Variants in WWOX observed in about 807,000 individuals in gnomAD.
WWOX encodes the protein WW domain-containing oxidoreductase.
In WWOX, 69 loss-of-function variants were observed where a neutral mutation model predicts 46.2. The ratio of observed to expected loss-of-function variants is 1.49; its 90% CI spans 1.23 to 1.82. The LOEUF is 1.82. WWOX is among the 40% of genes most tolerant of loss of function. The pLI, the probability that WWOX is intolerant of heterozygous loss-of-function variation, is 0.00. For synonymous variants in WWOX, 359 were observed against 202.6 expected, an observed-to-expected ratio of 1.77 and a Z score of -6.56; for missense variants, 919 against 542.6, an observed-to-expected ratio of 1.69 and a Z score of -6.89.
At chr16:78,224,123 C>T (rs1461756257) in intron 5 of WWOX, among the ~76,000 whole-genome samples, 1 of 152,084 alleles carries the variant, frequency 6.6e-6, no homozygotes, top group African/African-American at 2.4e-5. Flanking sequence ...CCTGCCTCAG[C>T]CTCCCAAGTA....
intron 8 of WWOX, among the ~76,000 whole-genome samples, chr16:78,713,936 C>G (rs1451357793): frequency 6.6e-6 from 1 of 152,102 alleles, no homozygotes; most frequent in East Asian, 1.9e-4. Flanking sequence ...AACAGGAAAC[C>G]TGTCTGTAGT....
In WWOX at chr16:78,812,713, G is replaced by A. The variant is rs8062973; in HGVS notation, c.1056+379961G>A. 2.8e-3 allele frequency among the ~76,000 whole-genome samples: 422 copies of A among 151,476 alleles called. 2 individuals carry two copies. The highest frequency in any genetic ancestry group is 9.6e-3 in the African/African-American group (395 of 40,958). ...TGCACTGCAGCCTGGGTGACAGAAT[G>A]AGACTCCATCCTCCCACCCCCTAAA... is the stretch of plus-strand genomic sequence containing the variant. On this transcript the variant is annotated intron_variant, in intron 8 of 8. Coordinates refer to ENST00000566780, the MANE Select transcript of WWOX (RefSeq NM_016373.4).
intron 8 of WWOX, among the ~76,000 whole-genome samples, chr16:78,460,918 G>A (rs933180518): frequency 6.6e-6 from 1 of 152,178 alleles, no homozygotes; most frequent in African/African-American, 2.4e-5. Context: ...TGAAGAAATA[G>A]GCCCTCCAGA....
chr16:78,887,446 A>G (rs539262842), intron 8 of WWOX, among the ~76,000 whole-genome samples: 32 of 148,606 alleles, frequency 2.2e-4, no homozygotes, highest in Non-Finnish European at 3.9e-4. Context: ...TGGGAAGGCA[A>G]TGAAGGCAAC....
intron 3 of WWOX, among the ~76,000 whole-genome samples, chr16:78,110,783 G>C (rs527474916): frequency 6.6e-6 from 1 of 152,320 alleles, no homozygotes; most frequent in East Asian, 1.9e-4. Flanking sequence ...CTTACTGCCA[G>C]TGACACAGAC....
intron 8 of WWOX, among the ~76,000 whole-genome samples, chr16:78,755,673 G>A (rs1023461997): frequency 1.3e-5 from 2 of 152,168 alleles, no homozygotes; most frequent in East Asian, 3.8e-4. Context: ...GGAAGCCTCA[G>A]GACCCTGCAC....
intron 8 of WWOX, among the ~76,000 whole-genome samples, chr16:79,047,097 C>G (rs1416770775): frequency 6.6e-6 from 1 of 152,206 alleles, no homozygotes; most frequent in Non-Finnish European, 1.5e-5. Flanking sequence ...ACCAGCATGC[C>G]ACCCTTCCAG....
chr16:78,490,054 A>G (rs540238484), intron 8 of WWOX, among the ~76,000 whole-genome samples: 1 of 152,268 alleles, frequency 6.6e-6, no homozygotes, highest in South Asian at 2.1e-4. Flanking sequence ...CTCTGGGGAG[A>G]CTAATATTAG....
chr16:78,613,845 C>A (rs777682828), intron 8 of WWOX, among the ~76,000 whole-genome samples: 1 of 152,176 alleles, frequency 6.6e-6, no homozygotes, highest in Non-Finnish European at 1.5e-5. Context: ...GAATACACTG[C>A]GTATTCTGTG....
chr16:79,151,972 A>G (rs1164132431), intron 8 of WWOX, among the ~76,000 whole-genome samples: 1 of 152,236 alleles, frequency 6.6e-6, no homozygotes, highest in African/African-American at 2.4e-5. Flanking sequence ...AAAAGGCAAC[A>G]GAAAGGTCTC....
chr16:79,195,093 C>T (rs1303177239), intron 8 of WWOX, among the ~76,000 whole-genome samples: 8 of 152,090 alleles, frequency 5.3e-5, no homozygotes, highest in Non-Finnish European at 8.8e-5. Flanking sequence ...TGAGCATACC[C>T]GTATCTCAGA....
chr16:78,880,097 C>A (rs780784671), intron 8 of WWOX, among the ~76,000 whole-genome samples: 10 of 152,086 alleles, frequency 6.6e-5, no homozygotes, highest in Non-Finnish European at 1.3e-4. Context: ...ACTTGTCAAA[C>A]ACTTACATTT....
intron 8 of WWOX, among the ~76,000 whole-genome samples, chr16:78,823,782 T>G (rs2051571370): frequency 4.0e-5 from 1 of 25,162 alleles, no homozygotes; most frequent in Admixed American, 5.9e-4. Flanking sequence ...AGACTTGTTA[T>G]TTTTTTTTTT....
At chr16:78,836,739 G>A (rs899578524) in intron 8 of WWOX, among the ~76,000 whole-genome samples, 5 of 152,170 alleles carry the variant, frequency 3.3e-5, no homozygotes, top group Non-Finnish European at 5.9e-5. Flanking sequence ...TGGCAGAGAT[G>A]AGGCTGGACC....
At chr16:79,059,387 G>A (rs1225225395) in intron 8 of WWOX, among the ~76,000 whole-genome samples, 2 of 152,196 alleles carry the variant, frequency 1.3e-5, no homozygotes, top group African/African-American at 2.4e-5. Flanking sequence ...TCACCAATAT[G>A]GGTGTGATCT....
At chr16:78,810,138 C>T (rs914626694) in intron 8 of WWOX, among the ~76,000 whole-genome samples, 2 of 152,184 alleles carry the variant, frequency 1.3e-5, no homozygotes, top group South Asian at 2.1e-4. Context: ...TCATACAGTT[C>T]TGTTAAATGG....
intron 8 of WWOX, among the ~76,000 whole-genome samples, chr16:78,933,298 G>A (rs1030877582): frequency 1.3e-5 from 2 of 152,292 alleles, no homozygotes; most frequent in South Asian, 2.1e-4. Flanking sequence ...AATTAGCTGA[G>A]CATGGTGTCA....
chr16:78,189,308 C>T (rs914780654), intron 5 of WWOX, among the ~76,000 whole-genome samples: 1 of 152,208 alleles, frequency 6.6e-6, no homozygotes, highest in African/African-American at 2.4e-5. Flanking sequence ...TGCTGTAGTC[C>T]CGCCCCGAGG....
chr16:78,883,139 A>G (rs913949714), intron 8 of WWOX, among the ~76,000 whole-genome samples: 2 of 152,330 alleles, frequency 1.3e-5, no homozygotes, highest in South Asian at 4.1e-4. Context: ...GGATGCCACC[A>G]CACATGCCTA....
Sources: allele counts gnomAD v4.1 joint callset (sites outside exome capture counted in the v4.1 genomes callset), GRCh38; gene constraint gnomAD v4.1.1; transcripts MANE v1.5; gene names NCBI Gene and HGNC (gene_info 2026-07-23, HGNC 2026-07-21).